Variants in LDLRAD3 observed in about 807,000 individuals in gnomAD.
LDLRAD3 encodes the protein low density lipoprotein receptor class A domain containing 3, also known as low-density lipoprotein receptor class A domain-containing protein 3.
A neutral mutation model predicts 29.4 loss-of-function variants in LDLRAD3; 20 were observed. The ratio of observed to expected loss-of-function variants is 0.68; its 90% CI spans 0.48 to 0.99. The LOEUF is 0.99. LDLRAD3 is among the 50% of genes least tolerant of loss of function. The pLI is 0.00. For missense variants in LDLRAD3, 420 were observed against 454.3 expected, an observed-to-expected ratio of 0.92 and a Z score of 0.69; for synonymous variants, 157 against 192.7, an observed-to-expected ratio of 0.81 and a Z score of 1.53.
intron 1 of LDLRAD3, among the ~76,000 whole-genome samples, chr11:35,949,539 G>A (rs1295395246): frequency 2.0e-5 from 3 of 152,198 alleles, no homozygotes; most frequent in Non-Finnish European, 1.5e-5. Flanking sequence ...AACTTGATTC[G>A]TTCTGCAGGT....
At chr11:36,044,361 A>T (rs934541414) in intron 2 of LDLRAD3, among the ~76,000 whole-genome samples, 1 of 152,198 alleles carries the variant, frequency 6.6e-6, no homozygotes, top group African/African-American at 2.4e-5. Flanking sequence ...TCTGAGTCTG[A>T]CATGAGCTAA....
At chr11:36,041,394 A>G (rs1852379661) in intron 2 of LDLRAD3, among the ~76,000 whole-genome samples, 1 of 152,230 alleles carries the variant, frequency 6.6e-6, no homozygotes, top group Non-Finnish European at 1.5e-5. Context: ...CCTCCATCAG[A>G]GACCCCCAGT....
Position 35,944,240 on chromosome 11 carries a change from G to C in LDLRAD3, c.46+96G>C, listed in dbSNP as rs898359312. On this transcript the variant is annotated intron_variant, in intron 1 of 5. Transcript: ENST00000315571. This position sits in a 1 kb window ranked among gnomAD's most constrained non-coding sequence, Gnocchi z 4.9. ...TGCGATCGCGTCCTCTCCCGGGCGC[G>C]GGCCGCTCTCCGGGCGTGGGTGAGC... is the stretch of plus-strand genomic sequence containing the variant. 3 of 760,038 alleles carry C rather than the reference G, an allele frequency of 3.9e-6. No individual in the cohort carries two copies. Among genetic ancestry groups the C allele is most frequent in the African/African-American group, 3.8e-5 (2 of 52,590 alleles). The allele number at this position is 760,038 out of a possible 1,614,324, so 47.1% of individuals were successfully genotyped here.
chr11:36,047,998 G>A (rs78842204), intron 2 of LDLRAD3, among the ~76,000 whole-genome samples: 4,754 of 150,974 alleles, frequency 0.031, 237 homozygotes, highest in Admixed American at 0.13. Context: ...ATATGAAAGT[G>A]CTGGCTCCTG....
intron 3 of LDLRAD3, among the ~76,000 whole-genome samples, chr11:36,085,467 T>C (rs1590254990): frequency 6.6e-6 from 1 of 152,154 alleles, no homozygotes; most frequent in African/African-American, 2.4e-5. Flanking sequence ...TTTTTGTCTT[T>C]TGCTATACAT....
chr11:35,975,831 T>A (rs965209104), intron 1 of LDLRAD3, among the ~76,000 whole-genome samples: 4 of 86,124 alleles, frequency 4.6e-5, no homozygotes, highest in African/African-American at 2.7e-4. Context: ...GCACTGGGGA[T>A]TTTTTTTTTT....
intron 1 of LDLRAD3, among the ~76,000 whole-genome samples, chr11:35,985,711 T>A (rs1392087914): frequency 6.6e-6 from 1 of 151,970 alleles, no homozygotes; most frequent in Non-Finnish European, 1.5e-5. Context: ...GATCTGATGG[T>A]TTTATAAAGA....
intron 4 of LDLRAD3, among the ~76,000 whole-genome samples, chr11:36,166,806 G>T (rs890031212): frequency 1.3e-5 from 2 of 152,114 alleles, no homozygotes; most frequent in Non-Finnish European, 2.9e-5. Context: ...GATTCAGTAG[G>T]TCCAGGATGG....
At chr11:36,092,761 C>T (rs537307604) in intron 3 of LDLRAD3, among the ~76,000 whole-genome samples, 8 of 152,310 alleles carry the variant, frequency 5.3e-5, no homozygotes, top group African/African-American at 7.2e-5. Flanking sequence ...TTGGAATTTA[C>T]GTAAATGGAG....
chr11:36,050,106 A>T (rs1010462578), intron 2 of LDLRAD3, among the ~76,000 whole-genome samples: 5 of 152,200 alleles, frequency 3.3e-5, no homozygotes, highest in African/African-American at 1.2e-4. Context: ...TTCTTGAATC[A>T]CATAGAGAGC....
At chr11:36,043,009 TA>T (rs34537513) in intron 2 of LDLRAD3, among the ~76,000 whole-genome samples, 61,681 of 150,040 alleles carry the variant, frequency 0.41, 15,111 homozygotes, top group Admixed American at 0.56. Flanking sequence ...CTCCTTTGTT[TA>T]AAAAAAAAAA....
intron 1 of LDLRAD3, among the ~76,000 whole-genome samples, chr11:36,006,589 T>A (rs1337416578): frequency 5.3e-5 from 8 of 151,992 alleles, no homozygotes; most frequent in Non-Finnish European, 2.9e-5. Context: ...GGTTTTAGAG[T>A]CATACAGACC....
chr11:36,018,444 AT>A (rs1464354612), intron 1 of LDLRAD3, among the ~76,000 whole-genome samples: 1 of 152,172 alleles, frequency 6.6e-6, no homozygotes, highest in Non-Finnish European at 1.5e-5. Context: ...TTTTCATAAT[AT>A]GCATTTTCAC....
rs1271463220 is a variant in LDLRAD3, at chr11:35,944,782, C to T, written c.46+638C>T. Among the ~76,000 whole-genome samples, 6 of 152,206 alleles carry T rather than the reference C, an allele frequency of 3.9e-5. No individual in the cohort carries two copies. Among genetic ancestry groups the T allele is most frequent in the Non-Finnish European group, 8.8e-5 (6 of 68,044 alleles). ...AAGCTTTATTTAAGACGTCTGACCACCCTACTTGCCCCGCGATGGGCGCCC... is the reference window on the plus strand; with the variant it reads ...AAGCTTTATTTAAGACGTCTGACCATCCTACTTGCCCCGCGATGGGCGCCC... On this transcript the variant is annotated intron_variant, in intron 1 of 5. Transcript: ENST00000315571. This position sits in a 1 kb window ranked among gnomAD's most constrained non-coding sequence, Gnocchi z 4.9.
intron 3 of LDLRAD3, among the ~76,000 whole-genome samples, chr11:36,097,925 G>A (rs1432002854): frequency 2.0e-5 from 3 of 152,176 alleles, no homozygotes. Context: ...AGGAGCCAAA[G>A]GCATCCCTGT....
intron 3 of LDLRAD3, among the ~76,000 whole-genome samples, chr11:36,094,871 A>G (rs1853336418): frequency 6.6e-6 from 1 of 152,142 alleles, no homozygotes; most frequent in Non-Finnish European, 1.5e-5. Context: ...AATTTTGCAA[A>G]TAATGGCTTC....
chr11:36,155,658 G>A (rs1183824707), intron 4 of LDLRAD3, among the ~76,000 whole-genome samples: 1 of 152,184 alleles, frequency 6.6e-6, no homozygotes, highest in Non-Finnish European at 1.5e-5. Flanking sequence ...ATGAGACAAT[G>A]AGAGAATGCA....
rs765598827 is a variant in LDLRAD3 at position 36,227,388 on chromosome 11, T to C, written c.758T>C (p.Val253Ala). 1.2e-6 allele frequency: 2 copies of C among 1,607,720 alleles called. No individual in the cohort carries two copies. Among genetic ancestry groups the C allele is most frequent in the Non-Finnish European group, 1.7e-6 (2 of 1,176,872 alleles). The change falls in exon 5 of 6, where the codon GTA becomes GCA. Residue 253 changes from valine to alanine, a missense_variant. By Grantham distance (64) the Val-to-Ala change is moderately conservative. Around this residue, in one of 3 missense-constraint regions of LDLRAD3, gnomAD observed 140 missense variants for 139.9 expected, o/e 1.00. Transcript: ENST00000315571. ...ASQAEQNASE[V>A]GSPPSYSEAL... is the part of the protein sequence containing the mutation. ...CAGGCGGAGCAGAATGCGTCGGAAG[T>C]AGGCTCCCCACCCTCCTACTCCGAG... is the stretch of plus-strand genomic sequence containing the variant.
intron 4 of LDLRAD3, among the ~76,000 whole-genome samples, chr11:36,132,349 G>A (rs1853938959): frequency 6.6e-6 from 1 of 151,814 alleles, no homozygotes. Context: ...ACGTGTGACT[G>A]TGTGTGTGTG....
Sources: allele counts gnomAD v4.1 joint callset (sites outside exome capture counted in the v4.1 genomes callset), GRCh38; gene constraint gnomAD v4.1.1; regional missense constraint gnomAD v4.1.1; non-coding constraint Gnocchi (gnomAD v3.1); transcripts MANE v1.5; gene names NCBI Gene and HGNC (gene_info 2026-07-23, HGNC 2026-07-21).